HYPK: variants seen among roughly 807,000 people sequenced by gnomAD.
The protein encoded by HYPK is huntingtin interacting protein K, also known as huntingtin-interacting protein K.
Under a neutral mutation model 13.9 loss-of-function variants are expected in HYPK, and 9 were observed. The observed-to-expected ratio is 0.65, with a 90% CI of 0.39 to 1.13. The LOEUF is 1.13. Among genes scored for constraint, HYPK ranks in the 50% most tolerant of loss-of-function variants. The pLI is 0.01. For missense variants in HYPK, 138 were observed against 157.6 expected (o/e 0.88, Z 0.67); for synonymous variants, 76 against 57.0 (o/e 1.33, Z -1.50).
rs777794912 is a variant in HYPK at position 43,800,791 on chromosome 15, T to A, written c.162+7T>A. 1.1e-5 allele frequency: 17 copies of A among 1,604,458 alleles called. No homozygotes were observed. Among genetic ancestry groups the A allele is most frequent in the Non-Finnish European group, 1.4e-5 (17 of 1,174,362 alleles). Reference sequence around the variant, plus strand: ...GAGTTCCAATCTGGAGACGGTAAGGTTGGCCAAGAGCATGTCGGGGCGGGC... The same window carrying A: ...GAGTTCCAATCTGGAGACGGTAAGGATGGCCAAGAGCATGTCGGGGCGGGC... On this transcript the variant is annotated splice_region_variant and intron_variant, in intron 1 of 3. Coordinates refer to ENST00000442995, the MANE Select transcript of HYPK (RefSeq NM_016400.4).
Position 43,801,850 on chromosome 15 carries a change from T to C in HYPK, c.*44T>C. Reference sequence around the variant, plus strand: ...TACCTACTGGATTAATTTATGGCAATAAAATTTTTTTTTGTCTTTTTCAGT... The same window carrying C: ...TACCTACTGGATTAATTTATGGCAACAAAATTTTTTTTTGTCTTTTTCAGT... On this transcript the variant is annotated 3_prime_UTR_variant, in exon 4 of 4. Transcript: ENST00000442995. 1 of 1,574,614 alleles carries C rather than the reference T, an allele frequency of 6.4e-7. No homozygotes were observed. The highest frequency in any genetic ancestry group is 8.7e-7 in the Non-Finnish European group (1 of 1,146,912).
rs2087323798 is a variant in HYPK at position 43,802,014 on chromosome 15, T to C, written c.*208T>C. On this transcript the variant is annotated 3_prime_UTR_variant, in exon 4 of 4. Transcript: ENST00000442995. ...AAAATCAGTGTAGAAGAATACCTCATGTGCAGATGCTAGGTGGCAGGCCAG... is the reference window on the plus strand; with the variant it reads ...AAAATCAGTGTAGAAGAATACCTCACGTGCAGATGCTAGGTGGCAGGCCAG... 4 of 574,122 alleles carry C rather than the reference T, an allele frequency of 7.0e-6. No homozygotes were observed. Among genetic ancestry groups the C allele is most frequent in the Non-Finnish European group, 1.2e-5 (4 of 323,022 alleles). The allele number at this position is 574,122 out of a possible 1,614,324, so 35.6% of individuals were successfully genotyped here.
rs913751553 is a variant in HYPK at position 43,803,704 on chromosome 15, G to C, written c.*1898G>C. Among the ~76,000 whole-genome samples, 9 of 141,774 alleles carry C rather than the reference G, an allele frequency of 6.3e-5. No homozygotes were observed. Among genetic ancestry groups the C allele is most frequent in the African/African-American group, 2.4e-4 (9 of 37,768 alleles). 93.0% of individuals were successfully genotyped at this position (141,774 alleles called of 152,430 possible). On this transcript the variant is annotated 3_prime_UTR_variant, in exon 4 of 4. Coordinates refer to ENST00000442995, the MANE Select transcript of HYPK (RefSeq NM_016400.4). ...AGCTACTAGGGAGGCTGAGGCAGGA[G>C]AATCTCTTGAACCCAGGAGGTTGCA...
rs1268037339 is a variant in HYPK, at chr15:43,801,070, G to C, written c.163-62G>C. ...CATGCATGAACCGCTTGTTTTGTTG[G>C]CCTTTTAGATTATTGGGAATTGTGG... On this transcript the variant is annotated intron_variant, in intron 1 of 3. Transcript: ENST00000442995. The C allele has an allele frequency of 4.2e-6, 6 of 1,428,078 alleles. No individual in the cohort carries two copies. The African/African-American group carries it at 8.4e-5, about 20-fold the overall frequency. 88.5% of individuals were successfully genotyped at this position (1,428,078 alleles called of 1,614,324 possible).
chr15:43,801,162 C>T lies in HYPK; in HGVS notation c.193C>T (p.Arg65Trp), dbSNP rs1398855984. 3.1e-6 allele frequency: 5 copies of T among 1,613,838 alleles called. No individual in the cohort carries two copies. Among genetic ancestry groups the T allele is most frequent in the African/African-American group, 1.3e-5 (1 of 74,880 alleles). ...AMSVIGDRRS[R>W]EQKAKQEREK... ...GTCTGTGATTGGAGACAGAAGGTCC[C>T]GGGAGCAGAAAGCCAAACAGGAGCG... is the stretch of plus-strand genomic sequence containing the variant. Residue 65 changes from arginine (R) to tryptophan (W), a missense_variant, in exon 2 of 4, where the codon CGG becomes TGG. This residue lies in a region of HYPK where 91 missense variants were observed against 96.8 expected (regional missense o/e 0.94). Transcript: ENST00000442995.
At chr15:43,801,322 TTACTC>T (rs1299247093) in intron 2 of HYPK, 135 bp downstream of exon 2, 1 of 907,002 alleles carries the variant, frequency 1.1e-6, no homozygotes, top group African/African-American at 1.7e-5. Flanking sequence ...CGCCACAACT[TTACTC>T]TTGTTAGCAG....
rs1567174795 is a variant in HYPK at position 43,803,925 on chromosome 15, C to CG, written c.*2122dup. ...ATCTCAGCACTTTGGGAGGCTGAGG[C>CG]GGGCGGATCGCGAAGTGAAGATCAA... On this transcript the variant is annotated 3_prime_UTR_variant, in exon 4 of 4. Coordinates refer to ENST00000442995, the MANE Select transcript of HYPK (RefSeq NM_016400.4). Among the ~76,000 whole-genome samples, 1 of 151,912 alleles carries CG rather than the reference C, an allele frequency of 6.6e-6. No individual in the cohort carries two copies.
upstream of HYPK, chr15:43,800,436 C>A: frequency 2.5e-6 from 2 of 806,822 alleles, no homozygotes; most frequent in South Asian, 1.5e-5. Flanking sequence ...AGGCCTCGCA[C>A]AAAACACTGT....
chr15:43,800,465 C>T (rs373192065), upstream of HYPK: 1 of 1,004,022 alleles, frequency 1.0e-6, no homozygotes, highest in African/African-American at 1.6e-5. Context: ...GAAAGGAAGT[C>T]TGAGAGACGA....
chr15:43,801,242 C>T, intron 2 of HYPK, 55 bp downstream of exon 2: 1 of 1,452,450 alleles, frequency 6.9e-7, no homozygotes, highest in Non-Finnish European at 9.7e-7. Context: ...GGTCCCCAGA[C>T]AAAAATAAAA....
rs1019380220 is a variant in HYPK, at chr15:43,802,523, C to A, written c.*717C>A. ...GTTGCAGTGAGCTGAGATCACACTA[C>A]TGTACTACTGTACTCCAGCCTGGGG... On this transcript the variant is annotated 3_prime_UTR_variant, in exon 4 of 4. Coordinates refer to ENST00000442995, the MANE Select transcript of HYPK (RefSeq NM_016400.4). The A allele has an allele frequency of 2.2e-5, 3 of 139,376 alleles. No individual in the cohort carries two copies. Among genetic ancestry groups the A allele is most frequent in the Admixed American group, 1.6e-4 (2 of 12,562 alleles). 8.6% of individuals were successfully genotyped at this position (139,376 alleles called of 1,614,324 possible). A position where few individuals can be genotyped will look rare whatever the true frequency, so the allele number is the denominator to read the frequency against.
Position 43,801,794 on chromosome 15 carries a change from C to T in HYPK, c.354C>T (p.Ala118=), listed in dbSNP as rs781409909. The change falls in exon 4 of 4, where the codon GCC becomes GCT. Residue 118 remains alanine (A), a synonymous_variant. Transcript: ENST00000442995. The part of the protein sequence containing the change: ...HMGNVVEALI[A]LTN ...GCAACGTGGTAGAGGCGCTTATTGCCCTAACCAACTGATGCGTGCTTTCTC... is the reference window on the plus strand; with the variant it reads ...GCAACGTGGTAGAGGCGCTTATTGCTCTAACCAACTGATGCGTGCTTTCTC... 1 of 1,614,032 alleles carries T rather than the reference C, an allele frequency of 6.2e-7. No individual in the cohort carries two copies. Among genetic ancestry groups the T allele is most frequent in the South Asian group, 1.1e-5 (1 of 91,074 alleles).
In HYPK at chr15:43,801,884, C is replaced by G. The variant is rs1431766978; in HGVS notation, c.*78C>G. On this transcript the variant is annotated 3_prime_UTR_variant, in exon 4 of 4. Transcript: ENST00000442995. ...TTTTTGTCTTTTTCAGTTTTATCATCTTGGGTCAAGTAGAGTGTATACTAT... is the reference window on the plus strand; with the variant it reads ...TTTTTGTCTTTTTCAGTTTTATCATGTTGGGTCAAGTAGAGTGTATACTAT... The G allele has an allele frequency of 3.3e-6, 4 of 1,197,712 alleles. No homozygotes were observed. Among genetic ancestry groups the G allele is most frequent in the Non-Finnish European group, 4.9e-6 (4 of 810,924 alleles). 74.2% of individuals were successfully genotyped at this position (1,197,712 alleles called of 1,614,324 possible).
intron 1 of HYPK, 64 bp downstream of exon 1, chr15:43,800,848 T>C (rs986518589): frequency 1.3e-5 from 18 of 1,435,188 alleles, no homozygotes; most frequent in East Asian, 2.3e-5. Flanking sequence ...AGGCTGTAGC[T>C]GGAAGCCAGC....
chr15:43,801,646 G>A (rs956056647), intron 3 of HYPK, 65 bp from the exon 4 acceptor site: 18 of 1,604,400 alleles, frequency 1.1e-5, no homozygotes, highest in South Asian at 2.2e-5. Context: ...TGAAACAAGC[G>A]GAGTCAGTAT....
Position 43,802,569 on chromosome 15 carries a change from CAAA to C in HYPK, c.*783_*785del, listed in dbSNP as rs34069133. On this transcript the variant is annotated 3_prime_UTR_variant, in exon 4 of 4. Coordinates refer to ENST00000442995, the MANE Select transcript of HYPK (RefSeq NM_016400.4). ...TGGGGGAAAGAGTGAAACTCCATCT[CAAA>C]AAAAAAAAAAAAAAAAAAAGCCCGG... 12 of 28,972 alleles carry C rather than the reference CAAA, an allele frequency of 4.1e-4. No homozygotes were observed. The highest frequency in any genetic ancestry group is 1.2e-3 in the African/African-American group (7 of 5,646). 1.8% of individuals were successfully genotyped at this position (28,972 alleles called of 1,614,324 possible). A position where few individuals can be genotyped will look rare whatever the true frequency, so the allele number is the denominator to read the frequency against.
chr15:43,801,893 AGTAGAGT>A lies in HYPK; in HGVS notation c.*91_*97del, dbSNP rs1371401375. 1 of 1,023,888 alleles carries A rather than the reference AGTAGAGT, an allele frequency of 9.8e-7. No individual in the cohort carries two copies. Among genetic ancestry groups the A allele is most frequent in the Admixed American group, 1.9e-5 (1 of 53,312 alleles). 63.4% of individuals were successfully genotyped at this position (1,023,888 alleles called of 1,614,324 possible). On this transcript the variant is annotated 3_prime_UTR_variant, in exon 4 of 4. Transcript: ENST00000442995. Reference sequence around the variant, plus strand: ...TTTTCAGTTTTATCATCTTGGGTCAAGTAGAGTGTATACTATATCCTATGTTGTGGAG... The same window carrying A: ...TTTTCAGTTTTATCATCTTGGGTCAAGTATACTATATCCTATGTTGTGGAG...
In HYPK at chr15:43,801,423, A is replaced by G. The variant is rs2087313882; in HGVS notation, c.219-95A>G. ...TTTATTTTCAATCAAGGGTTTATCA[A>G]GATTTATTTACAGGGCACTTCTGGG... On this transcript the variant is annotated intron_variant, in intron 2 of 3. Coordinates refer to ENST00000442995, the MANE Select transcript of HYPK (RefSeq NM_016400.4). 6.4e-6 allele frequency: 7 copies of G among 1,099,824 alleles called. No homozygotes were observed. In the South Asian group the frequency reaches 9.5e-5, roughly 15 times the overall value. The allele number at this position is 1,099,824 out of a possible 1,614,324, so 68.1% of individuals were successfully genotyped here.
upstream of HYPK, chr15:43,800,523 T>G: frequency 6.8e-7 from 1 of 1,479,242 alleles, no homozygotes; most frequent in Non-Finnish European, 9.3e-7. Context: ...AAAGAAGGTG[T>G]GGCCCAGGGC....
Sources: gnomAD v4.1 joint callset for allele counts (sites outside exome capture counted in the v4.1 genomes callset) on GRCh38, gnomAD v4.1.1 for gene constraint, gnomAD v4.1.1 regional missense constraint, MANE v1.5 for transcripts, NCBI Gene and HGNC (gene_info 2026-07-23, HGNC 2026-07-21) for gene names.